RTTN: variants seen among roughly 807,000 people sequenced by gnomAD.
RTTN encodes rotatin.
Under a neutral mutation model 269.2 loss-of-function variants are expected in RTTN, and 182 were observed. The ratio of observed to expected loss-of-function variants is 0.68; its 90% CI spans 0.60 to 0.76. The LOEUF is 0.76. Among genes scored for constraint, RTTN ranks in the 30% least tolerant of loss-of-function variants. The pLI is 0.00. For missense variants in RTTN, 2,545 were observed against 2,608.6 expected, an observed-to-expected ratio of 0.98 and a Z score of 0.53; for synonymous variants, 1,006 against 963.5, an observed-to-expected ratio of 1.04 and a Z score of -0.82.
At chr18:70,176,952 G>A (rs1210347435) in intron 10 of RTTN, 107 bp from the exon 11 acceptor site, 2 of 789,974 alleles carry the variant, frequency 2.5e-6, no homozygotes, top group Non-Finnish European at 3.7e-6. Flanking sequence ...TCATTAAATA[G>A]GAAAACAAAT....
chr18:70,076,465 T>A (rs1184677598), intron 32 of RTTN, among the ~76,000 whole-genome samples: 1 of 152,076 alleles, frequency 6.6e-6, no homozygotes, highest in Admixed American at 6.6e-5. Context: ...AAGATGGATA[T>A]TTTAACTTAC....
chr18:70,091,082 T>C (rs556837578), intron 30 of RTTN, among the ~76,000 whole-genome samples: 1 of 152,274 alleles, frequency 6.6e-6, no homozygotes, highest in African/African-American at 2.4e-5. Context: ...AAGAATTCTG[T>C]TTCAGGAGGG....
At chr18:70,184,277 G>A (rs745672390) in intron 10 of RTTN, among the ~76,000 whole-genome samples, 5 of 152,186 alleles carry the variant, frequency 3.3e-5, no homozygotes, top group Non-Finnish European at 5.9e-5. Context: ...AATAAGGCTG[G>A]GCACAGTGGC....
intron 32 of RTTN, among the ~76,000 whole-genome samples, chr18:70,083,439 A>AT (rs2058623210): frequency 6.6e-6 from 1 of 152,182 alleles, no homozygotes; most frequent in Admixed American, 6.5e-5. Flanking sequence ...TTTTTAAAAT[A>AT]TAAAAAATGT....
At chr18:70,197,774 T>C (rs2061848421) in intron 5 of RTTN, 36 bp from the exon 6 acceptor site, 3 of 1,322,862 alleles carry the variant, frequency 2.3e-6, no homozygotes, top group South Asian at 2.4e-5. Flanking sequence ...TTAAGAAGAG[T>C]TCATCTATTC....
At chr18:70,111,359 A>C (rs1370674504) in intron 27 of RTTN, among the ~76,000 whole-genome samples, 1 of 152,188 alleles carries the variant, frequency 6.6e-6, no homozygotes, top group East Asian at 1.9e-4. Context: ...CTTCCAGAGG[A>C]AAGATCAGGC....
chr18:70,151,602 C>T (rs1048152956), intron 14 of RTTN, among the ~76,000 whole-genome samples: 2 of 152,054 alleles, frequency 1.3e-5, no homozygotes, highest in Non-Finnish European at 2.9e-5. Flanking sequence ...TTTCTTTCAA[C>T]TGTTAACTTC....
Position 70,168,922 on chromosome 18 carries a change from T to G in RTTN, c.1622A>C (p.Lys541Thr), listed in dbSNP as rs953992536. Residue 541 changes from lysine to threonine, a missense_variant, in exon 12 of 49, where the codon AAA (lysine) becomes ACA (threonine). Physicochemically the swap from Lys to Thr is moderately conservative, Grantham distance 78 (BLOSUM62 -1). Transcript: ENST00000640769. ...TGAATAAACGGCCTCTGCAGTTCGT[T>G]TATAAATACTGTAGTTTTCAGAATT... is the stretch of plus-strand genomic sequence containing the variant. ...QLNSENYSIY[K>T]RTAEAVYSIE... 1.2e-6 allele frequency: 2 copies of G among 1,613,506 alleles called. No homozygotes were observed. Among genetic ancestry groups the G allele is most frequent in the East Asian group, 4.5e-5 (2 of 44,788 alleles).
intron 9 of RTTN, 89 bp downstream of exon 9, chr18:70,190,449 C>T (rs1242820943): frequency 5.5e-6 from 5 of 908,178 alleles, no homozygotes; most frequent in Non-Finnish European, 8.4e-6. Flanking sequence ...TCCAAAGGCC[C>T]TAACATAGAA....
intron 13 of RTTN, chr18:70,166,700 T>G (rs1398673258): frequency 1.2e-5 from 5 of 401,118 alleles, no homozygotes; most frequent in Non-Finnish European, 2.2e-5. Context: ...TCATTTTGAT[T>G]GTAGGCATGA....
chr18:70,035,729 C>G (rs566511036), intron 40 of RTTN, among the ~76,000 whole-genome samples: 1 of 152,188 alleles, frequency 6.6e-6, no homozygotes, highest in East Asian at 1.9e-4. Context: ...TAAACTAAAG[C>G]GTGTCTGCAC....
intron 31 of RTTN, among the ~76,000 whole-genome samples, chr18:70,087,127 A>G (rs1454753157): frequency 6.6e-6 from 1 of 152,022 alleles, no homozygotes; most frequent in Non-Finnish European, 1.5e-5. Flanking sequence ...ACTCCTTTCA[A>G]TAAAAACTTG....
chr18:70,161,388 C>A (rs6566463), intron 14 of RTTN, among the ~76,000 whole-genome samples: 151,126 of 152,302 alleles, frequency 0.99, 74,986 homozygotes, highest in East Asian at 1. Flanking sequence ...AAAACTATAA[C>A]AACCCTAGGA....
At chr18:70,029,436 G>A (rs1411012035) in intron 42 of RTTN, among the ~76,000 whole-genome samples, 1 of 152,136 alleles carries the variant, frequency 6.6e-6, no homozygotes. Flanking sequence ...TGAGCATGCA[G>A]TTTAAACATG....
Position 70,142,308 on chromosome 18 carries a change from T to C in RTTN, c.2561A>G (p.Gln854Arg). Residue 854 changes from glutamine to arginine, a missense_variant, in exon 19 of 49, where the codon CAG (glutamine) becomes CGG (arginine). Transcript: ENST00000640769. ...ATTACCTTGCATAATCACAGCTAAC[T>C]GTTCAGCAGCTGACTTTCTCAAAAC... ...DLVLRKSAAE[Q>R]LAVIMQDIKM... is the part of the protein sequence containing the mutation. 2 of 1,602,812 alleles carry C rather than the reference T, an allele frequency of 1.2e-6. No homozygotes were observed. The highest frequency in any genetic ancestry group is 2.2e-5 in the East Asian group (1 of 44,808).
intron 28 of RTTN, among the ~76,000 whole-genome samples, chr18:70,097,621 T>C (rs1026319651): frequency 7.2e-5 from 11 of 152,230 alleles, no homozygotes; most frequent in Non-Finnish European, 1.6e-4. Context: ...CAAAGCAAGA[T>C]TGGCTAATCA....
chr18:70,109,771 T>C (rs2059415410), intron 27 of RTTN, 54 bp from the exon 28 acceptor site: 1 of 1,403,158 alleles, frequency 7.1e-7, no homozygotes, highest in Non-Finnish European at 1.0e-6. Context: ...ATGGGCTTAA[T>C]GGGCTATCTT....
In RTTN at chr18:70,051,486, G is replaced by A. The variant is rs1213389836; in HGVS notation, c.5248C>T (p.Leu1750Phe). The A allele has an allele frequency of 6.2e-7, 1 of 1,613,388 alleles. No individual in the cohort carries two copies. The highest frequency in any genetic ancestry group is 1.7e-5 in the Admixed American group (1 of 59,992). The change falls in exon 39 of 49, where the codon CTC (leucine) becomes TTC (phenylalanine). Residue 1750 changes from leucine (L) to phenylalanine (F), a missense_variant. Physicochemically the swap from Leu to Phe is conservative, Grantham distance 22. Transcript: ENST00000640769. ...GTGATGGCACCAGCTTTCCTCAGGA[G>A]CATGGCCAGAAGATTAAATAAATGT... is the stretch of plus-strand genomic sequence containing the variant. ...WTHLFNLLAM[L>F]LRKAGAITLP...
chr18:70,167,319 T>C (rs1212378741), intron 12 of RTTN, among the ~76,000 whole-genome samples: 3 of 152,216 alleles, frequency 2.0e-5, no homozygotes, highest in Admixed American at 6.5e-5. Context: ...TTTGTAGCTC[T>C]ACCTCCCCTA....
Sources: allele counts gnomAD v4.1 joint callset (sites outside exome capture counted in the v4.1 genomes callset), GRCh38; gene constraint gnomAD v4.1.1; transcripts MANE v1.5; gene names NCBI Gene and HGNC (gene_info 2026-07-23, HGNC 2026-07-21).